NR5A2: variants seen among roughly 807,000 people sequenced by gnomAD.
NR5A2 encodes nuclear receptor subfamily 5 group A member 2, also known as CYP7A promoter-binding factor.
NR5A2 carries 26 observed loss-of-function variants against 62.7 expected under a neutral mutation model. The observed-to-expected ratio is 0.41, with a 90% CI of 0.30 to 0.58. The LOEUF is 0.58. NR5A2 is among the 20% of genes least tolerant of loss of function. NR5A2 has a pLI of 0.22. For missense variants in NR5A2, 541 were observed against 669.1 expected, an observed-to-expected ratio of 0.81 and a Z score of 2.11; for synonymous variants, 246 against 241.7, an observed-to-expected ratio of 1.02 and a Z score of -0.16.
At chr1:200,089,325 A>G (rs1664700485) in intron 5 of NR5A2, among the ~76,000 whole-genome samples, 1 of 148,552 alleles carries the variant, frequency 6.7e-6, no homozygotes, top group South Asian at 2.1e-4. Context: ...AGAGATTCTC[A>G]TGTTACAGCC....
At chr1:200,132,954 C>T (rs1010724468) in intron 7 of NR5A2, among the ~76,000 whole-genome samples, 17 of 152,146 alleles carry the variant, frequency 1.1e-4, no homozygotes, top group East Asian at 1.9e-4. Context: ...AATACAAACA[C>T]GTCTTATTTC....
At chr1:200,109,330 T>A (rs937751245) in intron 5 of NR5A2, among the ~76,000 whole-genome samples, 1 of 152,206 alleles carries the variant, frequency 6.6e-6, no homozygotes, top group African/African-American at 2.4e-5. Flanking sequence ...TACATGATCC[T>A]CCAGTTGGGA....
chr1:200,054,662 T>C (rs955954316), intron 5 of NR5A2, among the ~76,000 whole-genome samples: 1 of 152,242 alleles, frequency 6.6e-6, no homozygotes, highest in African/African-American at 2.4e-5. Flanking sequence ...TTAGCCATGC[T>C]GAAGTTGGTT....
At chr1:200,082,619 T>A (rs182112492) in intron 5 of NR5A2, among the ~76,000 whole-genome samples, 11 of 152,336 alleles carry the variant, frequency 7.2e-5, no homozygotes, top group Non-Finnish European at 1.6e-4. Context: ...GGAATGAGTC[T>A]TAGTATTAAG....
chr1:200,080,017 C>G (rs1571436803), intron 5 of NR5A2, among the ~76,000 whole-genome samples: 1 of 152,280 alleles, frequency 6.6e-6, no homozygotes, highest in South Asian at 2.1e-4. Flanking sequence ...GACTTTATTA[C>G]TGTTTTGCAC....
At chr1:200,059,247 T>C (rs1201281438) in intron 5 of NR5A2, among the ~76,000 whole-genome samples, 1 of 152,146 alleles carries the variant, frequency 6.6e-6, no homozygotes, top group African/African-American at 2.4e-5. Context: ...AACCAGGCTA[T>C]ATATAATTGG....
intron 5 of NR5A2, among the ~76,000 whole-genome samples, chr1:200,061,644 G>T (rs1663226521): frequency 6.6e-6 from 1 of 152,138 alleles, no homozygotes; most frequent in South Asian, 2.1e-4. Flanking sequence ...TTCTTTACAT[G>T]ACAGATGGAA....
chr1:200,117,838 C>CA (rs774102066), intron 6 of NR5A2, among the ~76,000 whole-genome samples: 94 of 151,052 alleles, frequency 6.2e-4, no homozygotes, highest in Non-Finnish European at 1.2e-3. Flanking sequence ...CTCAGCCTCC[C>CA]AAGTAGCTGG....
chr1:200,159,710 G>A (rs1359229425), intron 7 of NR5A2, among the ~76,000 whole-genome samples: 1 of 151,628 alleles, frequency 6.6e-6, no homozygotes, highest in Non-Finnish European at 1.5e-5. Context: ...GGAGTGCAAT[G>A]GTGCCATCTC....
intron 1 of NR5A2, chr1:200,029,871 G>A (rs1661487013): frequency 6.6e-6 from 1 of 152,286 alleles, no homozygotes; most frequent in African/African-American, 2.4e-5. Flanking sequence ...ACCCTGAGGC[G>A]GCTGTGGCAC....
chr1:200,028,632 G>A (rs2102128501), intron 1 of NR5A2, among the ~76,000 whole-genome samples: 1 of 152,296 alleles, frequency 6.6e-6, no homozygotes, highest in Non-Finnish European at 1.5e-5. Context: ...AAGGACTGAA[G>A]GGAAGTGATT....
chr1:200,095,589 C>G lies in NR5A2; in HGVS notation c.1111-15613C>G, dbSNP rs1230027281. 3.3e-5 allele frequency among the ~76,000 whole-genome samples: 5 copies of G among 151,306 alleles called. No individual in the cohort carries two copies. The South Asian group carries it at 6.3e-4, about 19-fold the overall frequency. ...TTTTTTTGAGATGGAGTCTCACACTCTCGCCCAGGCTGGAGTGCAGTGGTG... is the reference window on the plus strand; with the variant it reads ...TTTTTTTGAGATGGAGTCTCACACTGTCGCCCAGGCTGGAGTGCAGTGGTG... On this transcript the variant is annotated intron_variant, in intron 5 of 7. Transcript: ENST00000367362.
At chr1:200,122,528 C>T (rs1161395594) in intron 7 of NR5A2, among the ~76,000 whole-genome samples, 3 of 152,048 alleles carry the variant, frequency 2.0e-5, no homozygotes, top group Non-Finnish European at 4.4e-5. Flanking sequence ...TTTAACTTTC[C>T]TTCATCATCT....
chr1:200,107,086 C>A (rs976588486), intron 5 of NR5A2, among the ~76,000 whole-genome samples: 2 of 152,182 alleles, frequency 1.3e-5, no homozygotes, highest in Non-Finnish European at 2.9e-5. Flanking sequence ...CAAGGGCCAG[C>A]TGTGGGTGCA....
At chr1:200,119,845 G>A (rs1274088734) in intron 6 of NR5A2, among the ~76,000 whole-genome samples, 2 of 152,008 alleles carry the variant, frequency 1.3e-5, no homozygotes, top group Non-Finnish European at 2.9e-5. Flanking sequence ...CTGGCCTCAA[G>A]CGATCCGCCC....
At chr1:200,132,522 A>G (rs1667010230) in intron 7 of NR5A2, among the ~76,000 whole-genome samples, 1 of 152,138 alleles carries the variant, frequency 6.6e-6, no homozygotes, top group South Asian at 2.1e-4. Context: ...CACACATGCT[A>G]TTCTCCTTGA....
intron 7 of NR5A2, among the ~76,000 whole-genome samples, chr1:200,136,435 C>T (rs761188529): frequency 8.5e-5 from 13 of 152,220 alleles, no homozygotes; most frequent in Non-Finnish European, 1.3e-4. Context: ...ATAGCTACAT[C>T]TTATTGTCCT....
intron 5 of NR5A2, among the ~76,000 whole-genome samples, chr1:200,077,361 G>C (rs904681366): frequency 1.3e-5 from 2 of 152,158 alleles, no homozygotes; most frequent in African/African-American, 4.8e-5. Flanking sequence ...ATTTTCACTA[G>C]CTAATGTTTA....
chr1:200,144,811 A>C (rs1266936296), intron 7 of NR5A2, among the ~76,000 whole-genome samples: 1 of 152,130 alleles, frequency 6.6e-6, no homozygotes, highest in Non-Finnish European at 1.5e-5. Context: ...CAGATAAGGA[A>C]ATTGAGCGTG....
Sources: gnomAD v4.1 joint callset for allele counts (sites outside exome capture counted in the v4.1 genomes callset) on GRCh38, gnomAD v4.1.1 for gene constraint, MANE v1.5 for transcripts, NCBI Gene and HGNC (gene_info 2026-07-23, HGNC 2026-07-21) for gene names.